Variants in SCD5 observed in about 807,000 individuals in gnomAD.
SCD5 encodes the protein stearoyl-CoA desaturase 5.
SCD5 carries 20 observed loss-of-function variants against 30.4 expected under a neutral mutation model. The ratio of observed to expected loss-of-function variants is 0.66; its 90% CI spans 0.46 to 0.96. The LOEUF (loss-of-function observed/expected upper bound fraction) is 0.96. Among genes scored for constraint, SCD5 ranks in the 40% least tolerant of loss-of-function variants. The pLI, the probability that SCD5 is intolerant of heterozygous loss-of-function variation, is 0.00. For missense variants in SCD5, 381 were observed against 443.3 expected (o/e 0.86, Z 1.26); for synonymous variants, 173 against 176.4 (o/e 0.98, Z 0.16).
At chr4:82,689,265 G>A (rs947633732) in intron 2 of SCD5, among the ~76,000 whole-genome samples, 2 of 152,152 alleles carry the variant, frequency 1.3e-5, no homozygotes, top group Admixed American at 6.5e-5. Flanking sequence ...GGGGCATGTC[G>A]AAATGACAGA....
intron 1 of SCD5, among the ~76,000 whole-genome samples, chr4:82,745,980 G>A (rs564358295): frequency 1.3e-5 from 2 of 152,280 alleles, no homozygotes; most frequent in African/African-American, 4.8e-5. Context: ...AAAAAGTATA[G>A]TACCTGTCTA....
chr4:82,770,072 G>A (rs142123557), intron 1 of SCD5, among the ~76,000 whole-genome samples: 21 of 151,914 alleles, frequency 1.4e-4, no homozygotes, highest in African/African-American at 3.9e-4. Flanking sequence ...TCTAGGGTAC[G>A]TGTGCACAAC....
At chr4:82,730,742 C>T (rs544563436) in intron 1 of SCD5, among the ~76,000 whole-genome samples, 4 of 151,706 alleles carry the variant, frequency 2.6e-5, no homozygotes, top group Non-Finnish European at 4.4e-5. Context: ...CCCACCACCA[C>T]GCCCGGCTAA....
chr4:82,712,243 C>CAT lies in SCD5; in HGVS notation c.233-6832_233-6831dup, dbSNP rs762732703. On this transcript the variant is annotated intron_variant, in intron 1 of 4. Coordinates refer to ENST00000319540, the MANE Select transcript of SCD5 (RefSeq NM_001037582.3). ...ATAGGTCTGGGGAGGGACCAACTAA[C>CAT]ATATATATATATATATATATATATA... Among the ~76,000 whole-genome samples the CAT allele has an allele frequency of 6.7e-3, 193 of 28,730 alleles. 2 individuals are homozygous for CAT. Among genetic ancestry groups the CAT allele is most frequent in the Non-Finnish European group, 0.013 (139 of 11,054 alleles). The allele number at this position is 28,730 out of a possible 152,430, so 18.8% of individuals were successfully genotyped here.
chr4:82,716,194 C>CG (rs1368006732), intron 1 of SCD5, among the ~76,000 whole-genome samples: 2 of 151,580 alleles, frequency 1.3e-5, no homozygotes, highest in East Asian at 3.9e-4. Flanking sequence ...TTCCGGGTGT[C>CG]GGGGAGATCA....
intron 1 of SCD5, among the ~76,000 whole-genome samples, chr4:82,731,503 C>A (rs1162023906): frequency 1.3e-5 from 2 of 152,182 alleles, no homozygotes; most frequent in Non-Finnish European, 2.9e-5. Flanking sequence ...GGGAAACAGC[C>A]ACCATCATAG....
chr4:82,783,938 T>C (rs1721933691), intron 1 of SCD5, among the ~76,000 whole-genome samples: 1 of 152,168 alleles, frequency 6.6e-6, no homozygotes, highest in Non-Finnish European at 1.5e-5. Flanking sequence ...CTAAAATATT[T>C]AGAGATAAAA....
intron 1 of SCD5, among the ~76,000 whole-genome samples, chr4:82,739,353 C>T (rs1475787128): frequency 2.0e-5 from 3 of 152,198 alleles, no homozygotes; most frequent in Non-Finnish European, 4.4e-5. Context: ...GGGTTCCTCA[C>T]GAGCGAATGG....
chr4:82,721,103 G>GTGGGCTCCAT (rs1453191284), intron 1 of SCD5, among the ~76,000 whole-genome samples: 1 of 152,198 alleles, frequency 6.6e-6, no homozygotes, highest in East Asian at 1.9e-4. Context: ...TGAGGCTCCA[G>GTGGGCTCCAT]TGAGCTGTGA....
chr4:82,679,234 A>G lies in SCD5; in HGVS notation c.569+1473T>C, dbSNP rs12641044. ...AAAAAAGAAAGAAAAGAAAGAAAGA[A>G]AGAAAGAAAGAAAGAAAGAAAGAAA... On this transcript the variant is annotated intron_variant, in intron 3 of 4. Coordinates refer to ENST00000319540, the MANE Select transcript of SCD5 (RefSeq NM_001037582.3). Among the ~76,000 whole-genome samples, 99 of 96,328 alleles carry G rather than the reference A, an allele frequency of 1.0e-3. 7 individuals are homozygous for G. The highest frequency in any genetic ancestry group is 9.8e-3 in the Middle Eastern group (2 of 204). The allele number at this position is 96,328 out of a possible 152,430, so 63.2% of individuals were successfully genotyped here. A position where few individuals can be genotyped will look rare whatever the true frequency, so the allele number is the denominator to read the frequency against.
At chr4:82,644,331 T>A (rs139502862) in intron 3 of SCD5, among the ~76,000 whole-genome samples, 1 of 152,180 alleles carries the variant, frequency 6.6e-6, no homozygotes, top group Non-Finnish European at 1.5e-5. Flanking sequence ...CTTCCACATG[T>A]ATTGATCCCA....
intron 3 of SCD5, among the ~76,000 whole-genome samples, chr4:82,646,546 T>C (rs1367327975): frequency 6.6e-6 from 1 of 152,214 alleles, no homozygotes; most frequent in Non-Finnish European, 1.5e-5. Context: ...GCACTTAGGA[T>C]TGCTTTGTTT....
intron 3 of SCD5, 116 bp from the exon 4 acceptor site, chr4:82,636,939 T>C (rs1442307404): frequency 1.2e-6 from 1 of 802,774 alleles, no homozygotes; most frequent in Non-Finnish European, 2.0e-6. Context: ...GCCAGTCAGC[T>C]CCTTCAACGC....
chr4:82,653,315 G>A (rs17353565), intron 3 of SCD5, among the ~76,000 whole-genome samples: 4,013 of 152,158 alleles, frequency 0.026, 80 homozygotes, highest in Non-Finnish European at 0.045. Flanking sequence ...CAGCAAAGGC[G>A]CAAAGGGCAC....
chr4:82,637,626 CAGGAGAAGGG>C (rs1480380265), intron 3 of SCD5, among the ~76,000 whole-genome samples: 1 of 152,230 alleles, frequency 6.6e-6, no homozygotes, highest in African/African-American at 2.4e-5. Flanking sequence ...TATGCAGGGG[CAGGAGAAGGG>C]CAGGAACATC....
chr4:82,679,013 T>C (rs1728493725), intron 3 of SCD5, among the ~76,000 whole-genome samples: 1 of 151,250 alleles, frequency 6.6e-6, no homozygotes, highest in Non-Finnish European at 1.5e-5. Flanking sequence ...GCCTGGCCAA[T>C]ATGGTGAAAC....
chr4:82,756,784 C>T (rs1721244022), intron 1 of SCD5, among the ~76,000 whole-genome samples: 1 of 152,024 alleles, frequency 6.6e-6, no homozygotes, highest in South Asian at 2.1e-4. Context: ...CATCTCCCTC[C>T]TTGGTCTCCT....
rs536115917 is a variant in SCD5, at chr4:82,660,502, A to G, written c.569+20205T>C. ...TTTTTATAAATGGAATATCTCCTAT[A>G]GAGTGCTGTATGTGTAGTTAATAAC... On this transcript the variant is annotated intron_variant, in intron 3 of 4. Coordinates refer to ENST00000319540, the MANE Select transcript of SCD5 (RefSeq NM_001037582.3). 8.4e-5 allele frequency: 89 copies of G among 1,055,636 alleles called. No homozygotes were observed. The African/African-American group carries it at 1.4e-3, about 17-fold the overall frequency. The allele number at this position is 1,055,636 out of a possible 1,614,324, so 65.4% of individuals were successfully genotyped here. A position where few individuals can be genotyped will look rare whatever the true frequency, so the allele number is the denominator to read the frequency against.
intron 2 of SCD5, among the ~76,000 whole-genome samples, chr4:82,699,890 G>A (rs964286846): frequency 6.6e-6 from 1 of 151,570 alleles, no homozygotes; most frequent in African/African-American, 2.4e-5. Flanking sequence ...TCGATCTCTT[G>A]ACCTCGTAAT....
Sources: gnomAD v4.1 joint callset for allele counts (sites outside exome capture counted in the v4.1 genomes callset) on GRCh38, gnomAD v4.1.1 for gene constraint, MANE v1.5 for transcripts, NCBI Gene and HGNC (gene_info 2026-07-23, HGNC 2026-07-21) for gene names.